CDYL2: variants seen among roughly 807,000 people sequenced by gnomAD.
The protein encoded by CDYL2 is chromodomain Y-like protein 2.
A neutral mutation model predicts 49.4 loss-of-function variants in CDYL2; 23 were observed. The observed-to-expected ratio is 0.47, with a 90% CI of 0.34 to 0.66. CDYL2 has a LOEUF of 0.66. Among genes scored for constraint, CDYL2 ranks in the 30% least tolerant of loss-of-function variants. CDYL2 has a pLI of 0.01. For synonymous variants in CDYL2, 360 were observed against 268.8 expected (o/e 1.34, Z -3.32); for missense variants, 678 against 656.4 (o/e 1.03, Z -0.36).
chr16:80,751,754 G>C (rs906777370), intron 1 of CDYL2, among the ~76,000 whole-genome samples: 1 of 152,190 alleles, frequency 6.6e-6, no homozygotes, highest in African/African-American at 2.4e-5. Context: ...GACCTGCCCA[G>C]GCAAAAGTAA....
intron 2 of CDYL2, among the ~76,000 whole-genome samples, chr16:80,672,535 A>AAAGGAAAGGAAAGGAAAGGAAAGG (rs1461387134): frequency 7.6e-4 from 35 of 46,326 alleles, no homozygotes; most frequent in Non-Finnish European, 1.4e-3. Context: ...AAGGAAAAGG[A>AAAGGAAAGGAAAGGAAAGGAAAGG]AAAGGAAAGG....
chr16:80,677,462 G>A (rs1597166872), intron 2 of CDYL2, among the ~76,000 whole-genome samples: 1 of 152,154 alleles, frequency 6.6e-6, no homozygotes, highest in Non-Finnish European at 1.5e-5. Flanking sequence ...GTGTCGGCCA[G>A]GCGCAGTGGC....
intron 1 of CDYL2, among the ~76,000 whole-genome samples, chr16:80,688,203 C>T (rs2142481808): frequency 6.6e-6 from 1 of 152,290 alleles, no homozygotes; most frequent in South Asian, 2.1e-4. Context: ...AAGGCTAGTT[C>T]TTCTACCTCT....
intron 2 of CDYL2, among the ~76,000 whole-genome samples, chr16:80,671,507 G>T (rs548186453): frequency 6.6e-6 from 1 of 152,106 alleles, no homozygotes; most frequent in Non-Finnish European, 1.5e-5. Flanking sequence ...TGCCCCAAAC[G>T]CATCTTCTCA....
intron 1 of CDYL2, among the ~76,000 whole-genome samples, chr16:80,713,112 T>A (rs1904676521): frequency 6.6e-6 from 1 of 152,222 alleles, no homozygotes; most frequent in East Asian, 1.9e-4. Flanking sequence ...ACTGCGTTCC[T>A]TGACGGTATG....
At chr16:80,643,147 A>C in intron 2 of CDYL2, among the ~76,000 whole-genome samples, 1 of 152,174 alleles carries the variant, frequency 6.6e-6, no homozygotes, top group East Asian at 1.9e-4. Flanking sequence ...AAATGGGAGA[A>C]ATTGGCCAAA....
At chr16:80,800,648 C>T (rs776958358) in intron 1 of CDYL2, among the ~76,000 whole-genome samples, 3 of 152,028 alleles carry the variant, frequency 2.0e-5, no homozygotes, top group Non-Finnish European at 2.9e-5. Context: ...GGTTTTACCA[C>T]CACCAAGAGG....
chr16:80,725,846 T>G (rs1454400173), intron 1 of CDYL2, among the ~76,000 whole-genome samples: 1 of 152,234 alleles, frequency 6.6e-6, no homozygotes, highest in East Asian at 1.9e-4. Flanking sequence ...ATCCCCATTT[T>G]TTTCAAATTC....
chr16:80,634,368 C>G (rs1366358672), intron 2 of CDYL2, among the ~76,000 whole-genome samples: 1 of 152,148 alleles, frequency 6.6e-6, no homozygotes, highest in South Asian at 2.1e-4. Flanking sequence ...AAGGTGGGAA[C>G]TATCATTCTG....
chr16:80,649,918 A>G (rs981514409), intron 2 of CDYL2, among the ~76,000 whole-genome samples: 1 of 149,206 alleles, frequency 6.7e-6, no homozygotes, highest in Non-Finnish European at 1.5e-5. Flanking sequence ...CCATATTCAG[A>G]AGAATGAAAC....
intron 1 of CDYL2, among the ~76,000 whole-genome samples, chr16:80,792,018 G>A (rs751975711): frequency 1.3e-5 from 2 of 152,160 alleles, no homozygotes; most frequent in Non-Finnish European, 2.9e-5. Context: ...GCAGGATGCT[G>A]ATTCAATAGA....
chr16:80,766,844 C>T (rs1306951282), intron 1 of CDYL2, among the ~76,000 whole-genome samples: 1 of 152,218 alleles, frequency 6.6e-6, no homozygotes, highest in Non-Finnish European at 1.5e-5. Flanking sequence ...ACAATCCTTG[C>T]AGGTGTAAAT....
intron 1 of CDYL2, among the ~76,000 whole-genome samples, chr16:80,738,332 C>T (rs908628045): frequency 3.3e-5 from 5 of 151,980 alleles, no homozygotes; most frequent in Admixed American, 6.5e-5. Context: ...AACATACATG[C>T]GCATCTGTCT....
At chr16:80,802,770 A>G (rs1200738432) in intron 1 of CDYL2, among the ~76,000 whole-genome samples, 1 of 152,206 alleles carries the variant, frequency 6.6e-6, no homozygotes, top group African/African-American at 2.4e-5. Context: ...CTCTAACGCC[A>G]GTCAGCAAAC....
At chr16:80,802,214 T>C (rs1469610657) in intron 1 of CDYL2, among the ~76,000 whole-genome samples, 1 of 152,168 alleles carries the variant, frequency 6.6e-6, no homozygotes, top group Non-Finnish European at 1.5e-5. Context: ...TTCTAAACTT[T>C]AAATGGGGAA....
At chr16:80,680,827 A>G (rs1363709613) in intron 2 of CDYL2, among the ~76,000 whole-genome samples, 2 of 152,262 alleles carry the variant, frequency 1.3e-5, no homozygotes, top group East Asian at 3.9e-4. Context: ...ATTCAGCATG[A>G]ACGTGCAGAA....
intron 1 of CDYL2, among the ~76,000 whole-genome samples, chr16:80,751,654 A>C (rs150270216): frequency 6.6e-6 from 1 of 152,372 alleles, no homozygotes; most frequent in African/African-American, 2.4e-5. Flanking sequence ...GAAGGATAAT[A>C]GGCTCAAGTG....
chr16:80,612,316 T>A lies in CDYL2; in HGVS notation c.1218+310A>T, dbSNP rs542677749. Among the ~76,000 whole-genome samples, 35 of 152,310 alleles carry A rather than the reference T, an allele frequency of 2.3e-4. No individual in the cohort carries two copies. Among genetic ancestry groups the A allele is most frequent in the Middle Eastern group, 6.8e-3 (2 of 294 alleles). On this transcript the variant is annotated intron_variant, in intron 5 of 6. Transcript: ENST00000570137. This position sits in a 1 kb window ranked among gnomAD's most constrained non-coding sequence, Gnocchi z 5.0. ...TCAAGAGGATGAAGGCAAGTTTTGTTGTTAAAGCCACTGAGACCGTGGGCT... is the reference window on the plus strand; with the variant it reads ...TCAAGAGGATGAAGGCAAGTTTTGTAGTTAAAGCCACTGAGACCGTGGGCT...
intron 1 of CDYL2, among the ~76,000 whole-genome samples, chr16:80,781,239 T>C (rs1907257416): frequency 6.6e-6 from 1 of 152,184 alleles, no homozygotes; most frequent in Admixed American, 6.5e-5. Context: ...GTATGAAAAG[T>C]TGGAGAAGTT....
Sources: allele counts gnomAD v4.1 joint callset (sites outside exome capture counted in the v4.1 genomes callset), GRCh38; gene constraint gnomAD v4.1.1; non-coding constraint Gnocchi (gnomAD v3.1); transcripts MANE v1.5; gene names NCBI Gene and HGNC (gene_info 2026-07-23, HGNC 2026-07-21).